Variants in GET1 observed in about 807,000 individuals in gnomAD.
GET1 encodes guided entry of tail-anchored proteins factor 1.
GET1 carries 20 observed loss-of-function variants against 22.6 expected under a neutral mutation model. The observed-to-expected ratio is 0.89, with a 90% CI of 0.62 to 1.29. The LOEUF (loss-of-function observed/expected upper bound fraction) is 1.29. Ranked by LOEUF, GET1 falls within the 50% of genes most tolerant of loss-of-function variation. The pLI, the probability that GET1 is intolerant of heterozygous loss-of-function variation, is 0.00. For missense variants in GET1, 209 were observed against 219.9 expected (o/e 0.95, Z 0.31); for synonymous variants, 92 against 83.8 (o/e 1.10, Z -0.53).
chr21:39,420,761 T>C, intron 1 of GET1: 1 of 1,613,746 alleles, frequency 6.2e-7, no homozygotes, highest in East Asian at 2.2e-5. Context: ...GGTAGCTGTC[T>C]GAGCTGCTAA....
rs969576701 is a variant in GET1, at chr21:39,385,392, G to A, written c.102+4906G>A. ...TAAGCCTAGCAAGGTCCTGGGAGGC[G>A]ATCTCAGCTGTCCGCTGCGGTGGGG... On this transcript the variant is annotated intron_variant, in intron 1 of 4. Transcript: ENST00000649170. Among the ~76,000 whole-genome samples the A allele has an allele frequency of 4.6e-5, 7 of 152,166 alleles. No individual in the cohort carries two copies. The South Asian group carries it at 6.2e-4, about 13-fold the overall frequency.
chr21:39,387,961 AACAAAC>A, intron 1 of GET1: 1 of 635,616 alleles, frequency 1.6e-6, no homozygotes, highest in Non-Finnish European at 2.0e-6. Flanking sequence ...AAAATTTCGA[AACAAAC>A]ACAAATGTGC....
intron 1 of GET1, among the ~76,000 whole-genome samples, chr21:39,388,282 C>T (rs763851621): frequency 1.3e-5 from 2 of 152,260 alleles, no homozygotes; most frequent in Middle Eastern, 3.4e-3. Context: ...GTGGGAGTAT[C>T]GCTTGAGCCC....
At chr21:39,386,358 G>T (rs980712853) in intron 1 of GET1, 1 of 152,244 alleles carries the variant, frequency 6.6e-6, no homozygotes, top group Admixed American at 6.5e-5. Context: ...ACGACTCTCT[G>T]CTTCACAGGA....
At chr21:39,399,926 T>A (rs2038797849), downstream of GET1, among the ~76,000 whole-genome samples, 3 of 151,688 alleles carry the variant, frequency 2.0e-5, 1 homozygote, top group Admixed American at 2.0e-4. Context: ...TTTTTTTTTT[T>A]TAAGTAGAGA....
At chr21:39,412,322 A>G (rs1466383528) in intron 1 of GET1, among the ~76,000 whole-genome samples, 1 of 152,178 alleles carries the variant, frequency 6.6e-6, no homozygotes, top group Non-Finnish European at 1.5e-5. Context: ...CCGGGGGGGA[A>G]GCCTAGAACA....
chr21:39,394,117 C>A lies in GET1; in HGVS notation c.451+837C>A, dbSNP rs535606454. On this transcript the variant is annotated intron_variant, in intron 4 of 4. Transcript: ENST00000649170. ...GGCCAAGGTGGGCGGATTGCCTGAGCTCAGGAGTTTGAGACCAGCCTGGCC... is the reference window on the plus strand; with the variant it reads ...GGCCAAGGTGGGCGGATTGCCTGAGATCAGGAGTTTGAGACCAGCCTGGCC... Among the ~76,000 whole-genome samples the A allele has an allele frequency of 2.3e-4, 35 of 152,058 alleles. 1 individual carries two copies. The South Asian group carries it at 7.3e-3, about 32-fold the overall frequency.
intron 1 of GET1, among the ~76,000 whole-genome samples, chr21:39,382,438 C>G (rs1271639934): frequency 6.6e-6 from 1 of 152,216 alleles, no homozygotes; most frequent in African/African-American, 2.4e-5. Context: ...CTCTCCCTGG[C>G]AATCACCATT....
At chr21:39,395,029 C>T (rs2146993962) in intron 4 of GET1, among the ~76,000 whole-genome samples, 1 of 151,976 alleles carries the variant, frequency 6.6e-6, no homozygotes, top group South Asian at 2.1e-4. Context: ...ACCACCATGC[C>T]CAGCTAATTA....
intron 1 of GET1, among the ~76,000 whole-genome samples, chr21:39,416,610 A>T (rs1050262347): frequency 7.2e-5 from 11 of 152,056 alleles, no homozygotes; most frequent in African/African-American, 2.7e-4. Flanking sequence ...CTTTCACTTC[A>T]GATCAAAATC....
downstream of GET1, chr21:39,409,894 G>T: frequency 1.3e-6 from 1 of 792,034 alleles, no homozygotes; most frequent in Non-Finnish European, 2.0e-6. The surrounding 1 kb of genome is among the most constrained non-coding windows in gnomAD (Gnocchi z 4.2). Flanking sequence ...ATGCCCAGCT[G>T]TTTTATGTGT....
exon 5 of GET1, chr21:39,406,184 C>G: frequency 6.2e-7 from 1 of 1,614,246 alleles, no homozygotes; most frequent in Non-Finnish European, 8.5e-7. Context: ...TACCCACTGT[C>G]AGAATGCTCT....
At chr21:39,407,714 T>C (rs2039331135), downstream of GET1, 2 of 152,192 alleles carry the variant, frequency 1.3e-5, no homozygotes, top group African/African-American at 4.8e-5. Context: ...TCCTCCTGTC[T>C]CCCTAATGCC....
chr21:39,400,658 A>G (rs2038816484), downstream of GET1, among the ~76,000 whole-genome samples: 1 of 152,162 alleles, frequency 6.6e-6, no homozygotes, highest in South Asian at 2.1e-4. Flanking sequence ...TGGTTTGAAC[A>G]CCATTGGAAT....
downstream of GET1, among the ~76,000 whole-genome samples, chr21:39,398,611 GT>G (rs111949013): frequency 0.22 from 28,180 of 127,640 alleles, 2,951 homozygotes; most frequent in African/African-American, 0.34. Context: ...AAATTATACA[GT>G]TTTTTTTTTT....
At chr21:39,423,841 T>C (rs2074163525) in intron 1 of GET1, among the ~76,000 whole-genome samples, 1 of 152,184 alleles carries the variant, frequency 6.6e-6, no homozygotes, top group South Asian at 2.1e-4. Context: ...TAGATTTCTA[T>C]TATAACAGCT....
At chr21:39,399,141 CAA>C (rs995441153), downstream of GET1, among the ~76,000 whole-genome samples, 1 of 152,236 alleles carries the variant, frequency 6.6e-6, no homozygotes, top group Non-Finnish European at 1.5e-5. Flanking sequence ...CCCAATTTCC[CAA>C]AGTTTTCCTC....
intron 1 of GET1, among the ~76,000 whole-genome samples, chr21:39,381,515 T>C (rs1569027567): frequency 2.0e-5 from 3 of 152,216 alleles, no homozygotes; most frequent in Non-Finnish European, 4.4e-5. Context: ...TCCTGAGATA[T>C]AGGGAATTCT....
At chr21:39,383,201 G>A (rs193003588) in intron 1 of GET1, among the ~76,000 whole-genome samples, 69 of 151,510 alleles carry the variant, frequency 4.6e-4, no homozygotes, top group African/African-American at 1.5e-3. Flanking sequence ...TGATCTGCCC[G>A]CCTTGGCCTC....
Sources: allele counts gnomAD v4.1 joint callset (sites outside exome capture counted in the v4.1 genomes callset), GRCh38; gene constraint gnomAD v4.1.1; non-coding constraint Gnocchi (gnomAD v3.1); transcripts MANE v1.5; gene names NCBI Gene and HGNC (gene_info 2026-07-23, HGNC 2026-07-21).